CDK6: variants seen among roughly 807,000 people sequenced by gnomAD.
CDK6 encodes cyclin dependent kinase 6, also known as cyclin-dependent kinase 6.
In CDK6, 6 loss-of-function variants were observed where a neutral mutation model predicts 37.1. The ratio of observed to expected loss-of-function variants is 0.16; its 90% CI spans 0.09 to 0.32. CDK6 has a LOEUF of 0.32. Ranked by LOEUF, CDK6 falls within the 10% of genes least tolerant of loss-of-function variation. The probability of loss-of-function intolerance (pLI) is 1.00; values close to 1 mark genes in which losing one functional copy is unlikely to be tolerated. For missense variants in CDK6, 224 were observed against 418.9 expected, an observed-to-expected ratio of 0.53 and a Z score of 4.06; for synonymous variants, 160 against 161.3, an observed-to-expected ratio of 0.99 and a Z score of 0.06.
intron 2 of CDK6, among the ~76,000 whole-genome samples, chr7:92,780,616 C>T (rs111574258): frequency 1.3e-4 from 19 of 151,878 alleles, no homozygotes; most frequent in African/African-American, 4.1e-4. Flanking sequence ...AAAAAATTAG[C>T]CGGGCGTGGT....
chr7:92,660,310 T>C lies in CDK6; in HGVS notation c.647+11116A>G, dbSNP rs140212291. ...CAGTACAGTGCTTCAGGCCTCTTCG[T>C]TAAAGAAGCAGCTTCTAGATTTACC... On this transcript the variant is annotated intron_variant, in intron 5 of 7. Coordinates refer to ENST00000424848, the MANE Select transcript of CDK6 (RefSeq NM_001145306.2). 2.1e-3 allele frequency among the ~76,000 whole-genome samples: 320 copies of C among 152,306 alleles called. 1 individual carries two copies. The highest frequency in any genetic ancestry group is 3.8e-3 in the Non-Finnish European group (260 of 68,016).
At chr7:92,810,704 A>G (rs912412627) in intron 2 of CDK6, among the ~76,000 whole-genome samples, 22 of 152,378 alleles carry the variant, frequency 1.4e-4, no homozygotes, top group Non-Finnish European at 3.1e-4. Flanking sequence ...TGGAAGTGAC[A>G]TAAGAAGATA....
chr7:92,719,432 G>A (rs1247146578), intron 4 of CDK6, among the ~76,000 whole-genome samples: 2 of 152,100 alleles, frequency 1.3e-5, no homozygotes, highest in South Asian at 2.1e-4. Flanking sequence ...GTCTTCTCAT[G>A]TTTAACATTT....
intron 5 of CDK6, among the ~76,000 whole-genome samples, chr7:92,628,367 C>T (rs946482961): frequency 2.0e-5 from 1 of 49,218 alleles, no homozygotes; most frequent in Non-Finnish European, 3.3e-5. Flanking sequence ...TCATTCCCTA[C>T]TTTAATACTA....
intron 3 of CDK6, among the ~76,000 whole-genome samples, chr7:92,726,300 C>T (rs760805430): frequency 2.6e-5 from 4 of 152,138 alleles, no homozygotes; most frequent in Non-Finnish European, 4.4e-5. Context: ...TTAATCCACA[C>T]CACAACATTT....
At chr7:92,624,765 T>C (rs1298607153) in intron 5 of CDK6, among the ~76,000 whole-genome samples, 1 of 152,122 alleles carries the variant, frequency 6.6e-6, no homozygotes, top group African/African-American at 2.4e-5. Context: ...TTATAATTTA[T>C]TGAGCATGAA....
chr7:92,770,066 T>A (rs1363634903), intron 3 of CDK6, among the ~76,000 whole-genome samples: 1 of 152,192 alleles, frequency 6.6e-6, no homozygotes, highest in Non-Finnish European at 1.5e-5. Context: ...AAGATGGCAC[T>A]GAACTCCTCC....
chr7:92,684,064 G>T (rs1383090055), intron 4 of CDK6, among the ~76,000 whole-genome samples: 1 of 152,138 alleles, frequency 6.6e-6, no homozygotes, highest in South Asian at 2.1e-4. Context: ...AAGATGTAAT[G>T]TACTGCGCTG....
chr7:92,748,867 A>C (rs564063596), intron 3 of CDK6, among the ~76,000 whole-genome samples: 1 of 152,264 alleles, frequency 6.6e-6, no homozygotes, highest in East Asian at 1.9e-4. Flanking sequence ...GTGATTTTGC[A>C]ACTTAAGATC....
chr7:92,807,564 ATAGG>A (rs1800760279), intron 2 of CDK6, among the ~76,000 whole-genome samples: 1 of 151,738 alleles, frequency 6.6e-6, no homozygotes, highest in Non-Finnish European at 1.5e-5. Flanking sequence ...AATATATATA[ATAGG>A]TATAGATATA....
chr7:92,657,373 G>A (rs1434299035), intron 5 of CDK6, among the ~76,000 whole-genome samples: 2 of 152,172 alleles, frequency 1.3e-5, no homozygotes, highest in African/African-American at 4.8e-5. Context: ...AATGATGCAT[G>A]AGCACTGGTG....
At chr7:92,811,609 A>C (rs1314618801) in intron 2 of CDK6, among the ~76,000 whole-genome samples, 1 of 151,936 alleles carries the variant, frequency 6.6e-6, no homozygotes, top group Non-Finnish European at 1.5e-5. Flanking sequence ...CTATGTCCGT[A>C]GTACCTATGC....
At chr7:92,801,669 T>G (rs893006657) in intron 2 of CDK6, among the ~76,000 whole-genome samples, 1 of 151,914 alleles carries the variant, frequency 6.6e-6, no homozygotes, top group Non-Finnish European at 1.5e-5. Context: ...TTCTTTCTTT[T>G]GGAGTGCAGT....
At chr7:92,686,644 C>G (rs981577009) in intron 4 of CDK6, among the ~76,000 whole-genome samples, 40 of 152,080 alleles carry the variant, frequency 2.6e-4, no homozygotes, top group African/African-American at 9.4e-4. Context: ...GGTAGATACC[C>G]AGGAATGGGA....
chr7:92,706,056 A>G (rs1167281971), intron 4 of CDK6, among the ~76,000 whole-genome samples: 2 of 152,240 alleles, frequency 1.3e-5, no homozygotes, highest in African/African-American at 2.4e-5. Context: ...TAAGCAGACT[A>G]TGTGAAAGAA....
chr7:92,728,173 T>C (rs1798557545), intron 3 of CDK6, among the ~76,000 whole-genome samples: 4 of 152,236 alleles, frequency 2.6e-5, no homozygotes, highest in Admixed American at 6.5e-5. Context: ...CTAAGATGTA[T>C]AGATGCATGC....
chr7:92,822,738 G>A (rs796649233), intron 2 of CDK6, among the ~76,000 whole-genome samples: 1 of 152,186 alleles, frequency 6.6e-6, no homozygotes, highest in African/African-American at 2.4e-5. Context: ...CCAAGAAAAA[G>A]CAGACAGCAA....
At chr7:92,666,450 A>G (rs1156713232) in intron 5 of CDK6, among the ~76,000 whole-genome samples, 2 of 152,248 alleles carry the variant, frequency 1.3e-5, no homozygotes, top group Non-Finnish European at 2.9e-5. Flanking sequence ...TGTTGGTGAC[A>G]TGTGAGATGA....
intron 5 of CDK6, among the ~76,000 whole-genome samples, chr7:92,663,680 A>G (rs1364146913): frequency 1.3e-5 from 2 of 149,976 alleles, no homozygotes; most frequent in East Asian, 2.0e-4. Flanking sequence ...CAGCCTGGGC[A>G]ACAGAGCGAG....
Sources: gnomAD v4.1 joint callset for allele counts (sites outside exome capture counted in the v4.1 genomes callset) on GRCh38, gnomAD v4.1.1 for gene constraint, MANE v1.5 for transcripts, NCBI Gene and HGNC (gene_info 2026-07-23, HGNC 2026-07-21) for gene names.